Variants in CPED1 observed in about 807,000 individuals in gnomAD.
The protein encoded by CPED1 is cadherin-like and PC-esterase domain-containing protein 1.
Under a neutral mutation model 128.2 loss-of-function variants are expected in CPED1, and 114 were observed. That is an observed-to-expected ratio of 0.89 (90% confidence interval 0.76 to 1.04). The LOEUF (loss-of-function observed/expected upper bound fraction) is 1.04, where lower values mean the gene tolerates loss of function less well. CPED1 is among the 50% of genes least tolerant of loss of function. The probability of loss-of-function intolerance (pLI) is 0.00; values close to 1 mark genes in which losing one functional copy is unlikely to be tolerated. For missense variants in CPED1, 1,211 were observed against 1,207.1 expected, an observed-to-expected ratio of 1.00 and a Z score of -0.05; for synonymous variants, 462 against 426.7, an observed-to-expected ratio of 1.08 and a Z score of -1.02.
intron 16 of CPED1, among the ~76,000 whole-genome samples, chr7:121,189,690 G>C (rs1234385270): frequency 2.1e-5 from 3 of 146,102 alleles, no homozygotes; most frequent in African/African-American, 7.6e-5. Context: ...GATTTTTAAA[G>C]TCACCACAAT....
At chr7:121,170,912 TG>T (rs1387365058) in intron 16 of CPED1, among the ~76,000 whole-genome samples, 1 of 151,780 alleles carries the variant, frequency 6.6e-6, no homozygotes, top group Non-Finnish European at 1.5e-5. Flanking sequence ...TTAGCGGGTG[TG>T]GTGGCCCATG....
rs563511843 is a variant in CPED1 at position 121,259,874 on chromosome 7, T to C, written c.2311-6353T>C. Among the ~76,000 whole-genome samples, 3 of 152,174 alleles carry C rather than the reference T, an allele frequency of 2.0e-5. No homozygotes were observed. In the South Asian group the frequency reaches 6.2e-4, roughly 32 times the overall value. On this transcript the variant is annotated intron_variant, in intron 18 of 22. Transcript: ENST00000310396. ...TAAACTCAGCTGTTAAAACAGGGAA[T>C]GTAACTTAAATTTTTAAGTAATGTT...
At chr7:121,075,092 G>C (rs896417421) in intron 5 of CPED1, among the ~76,000 whole-genome samples, 1 of 152,130 alleles carries the variant, frequency 6.6e-6, no homozygotes, top group African/African-American at 2.4e-5. Flanking sequence ...AGCATTTTCA[G>C]CATTACTAGA....
chr7:121,008,808 T>G (rs1792090808), intron 2 of CPED1, among the ~76,000 whole-genome samples: 1 of 151,944 alleles, frequency 6.6e-6, no homozygotes, highest in Non-Finnish European at 1.5e-5. Flanking sequence ...TGCTTCACTG[T>G]TGCATTCCCA....
In CPED1 at chr7:121,241,187, C is replaced by CA. The variant is rs796897525; in HGVS notation, c.2174-3004dup. On this transcript the variant is annotated intron_variant, in intron 17 of 22. Coordinates refer to ENST00000310396, the MANE Select transcript of CPED1 (RefSeq NM_024913.5). Reference sequence around the variant, plus strand: ...TGAAACCCCGTCTCTACTAAAAATACAAAAAAAAAAATTAGCCGGGCGTAG... The same window carrying CA: ...TGAAACCCCGTCTCTACTAAAAATACAAAAAAAAAAAATTAGCCGGGCGTAG... Among the ~76,000 whole-genome samples the CA allele has an allele frequency of 3.6e-3, 326 of 90,642 alleles. 45 individuals are homozygous for CA. The highest frequency in any genetic ancestry group is 7.8e-3 in the African/African-American group (176 of 22,686). 59.5% of individuals were successfully genotyped at this position (90,642 alleles called of 152,430 possible).
Position 121,211,771 on chromosome 7 carries a change from A to G in CPED1, c.2056-24943A>G, listed in dbSNP as rs138656616. Among the ~76,000 whole-genome samples, 453 of 152,132 alleles carry G rather than the reference A, an allele frequency of 3.0e-3. 1 individual carries two copies. The highest frequency in any genetic ancestry group is 0.011 in the African/African-American group (440 of 41,526). The stretch of plus-strand genomic sequence containing the variant: ...GTGGAGACTTAGAAATATGTGATCT[A>G]TAAGAACAGACTTGCCAGACTTGGC... On this transcript the variant is annotated intron_variant, in intron 16 of 22. Transcript: ENST00000310396.
Position 121,295,869 on chromosome 7 carries a change from T to C in CPED1, c.*217T>C. The C allele has an allele frequency of 2.2e-6, 1 of 456,436 alleles. No homozygotes were observed. Among genetic ancestry groups the C allele is most frequent in the Admixed American group, 3.9e-5 (1 of 25,762 alleles). 28.3% of individuals were successfully genotyped at this position (456,436 alleles called of 1,614,324 possible). A position where few individuals can be genotyped will look rare whatever the true frequency, so the allele number is the denominator to read the frequency against. On this transcript the variant is annotated 3_prime_UTR_variant, in exon 23 of 23. Transcript: ENST00000310396. ...AGATGTGACCTTGAACACCAGTCCATTTCACAGTGAAAGATATACCTAGAG... is the reference window on the plus strand; with the variant it reads ...AGATGTGACCTTGAACACCAGTCCACTTCACAGTGAAAGATATACCTAGAG...
intron 2 of CPED1, among the ~76,000 whole-genome samples, chr7:121,015,208 C>T (rs1409756064): frequency 6.6e-6 from 1 of 152,176 alleles, no homozygotes; most frequent in African/African-American, 2.4e-5. Flanking sequence ...TGGATTGCTT[C>T]TCACCTCGAC....
At chr7:121,028,845 G>C (rs1027645315) in intron 3 of CPED1, among the ~76,000 whole-genome samples, 6 of 152,180 alleles carry the variant, frequency 3.9e-5, no homozygotes, top group African/African-American at 1.4e-4. Context: ...TAATGAATGA[G>C]AGGGATTACC....
intron 18 of CPED1, among the ~76,000 whole-genome samples, chr7:121,251,355 T>C (rs1473036907): frequency 6.6e-6 from 1 of 152,118 alleles, no homozygotes; most frequent in African/African-American, 2.4e-5. Context: ...CCACAGCCAA[T>C]ATCATACTGA....
chr7:121,192,649 AG>A (rs5887020), intron 16 of CPED1, among the ~76,000 whole-genome samples: 149,180 of 152,228 alleles, frequency 0.98, 73,163 homozygotes, highest in Middle Eastern at 1. Context: ...TCAGGCTTTG[AG>A]GGGTAAAGCA....
At chr7:121,149,876 G>A (rs180789295) in intron 16 of CPED1, among the ~76,000 whole-genome samples, 2 of 152,254 alleles carry the variant, frequency 1.3e-5, no homozygotes, top group Admixed American at 1.3e-4. Flanking sequence ...ATTAATGCCA[G>A]TCCCTGATGC....
intron 4 of CPED1, among the ~76,000 whole-genome samples, chr7:121,060,359 G>C (rs970006048): frequency 2.0e-5 from 3 of 152,264 alleles, no homozygotes; most frequent in Non-Finnish European, 2.9e-5. Context: ...TCCACCTGCA[G>C]CCCCCGGTGC....
At chr7:121,162,134 G>A (rs1796424348) in intron 16 of CPED1, among the ~76,000 whole-genome samples, 1 of 152,162 alleles carries the variant, frequency 6.6e-6, no homozygotes, top group South Asian at 2.1e-4. Flanking sequence ...TTTCAGACAT[G>A]GCTAATATAA....
At chr7:121,102,136 C>CT (rs1794865156) in intron 7 of CPED1, among the ~76,000 whole-genome samples, 1 of 151,952 alleles carries the variant, frequency 6.6e-6, no homozygotes, top group Admixed American at 6.6e-5. Context: ...CCTCTTTGTT[C>CT]TTTTTAATGA....
At position 121,072,185 on chromosome 7, in the gene CPED1, CAAA is replaced by C. The variant is rs11318194; in HGVS notation, c.616+7885_616+7887del. 5.0e-5 allele frequency among the ~76,000 whole-genome samples: 7 copies of C among 139,344 alleles called. 1 individual carries two copies. Among genetic ancestry groups the C allele is most frequent in the African/African-American group, 1.6e-4 (6 of 38,086 alleles). 91.4% of individuals were successfully genotyped at this position (139,344 alleles called of 152,430 possible). On this transcript the variant is annotated intron_variant, in intron 5 of 22. Coordinates refer to ENST00000310396, the MANE Select transcript of CPED1 (RefSeq NM_024913.5). ...ACATTCTGATTTCTCTTTTCCTATA[CAAA>C]AAAAAAAAAAAACATGGGAGTAAAT...
chr7:121,114,122 G>A (rs540838285), intron 7 of CPED1, among the ~76,000 whole-genome samples: 6 of 152,176 alleles, frequency 3.9e-5, no homozygotes, highest in Admixed American at 2.0e-4. Context: ...GAGCCACCAC[G>A]CCCGGCCTTA....
intron 16 of CPED1, among the ~76,000 whole-genome samples, chr7:121,203,849 A>G (rs1797459171): frequency 6.6e-6 from 1 of 152,144 alleles, no homozygotes; most frequent in South Asian, 2.1e-4. Context: ...ATAAAGAAAG[A>G]AAAAGGATGG....
At position 121,102,852 on chromosome 7, in the gene CPED1, G is replaced by A. The variant is rs539884212; in HGVS notation, c.918+2758G>A. Among the ~76,000 whole-genome samples the A allele has an allele frequency of 5.3e-5, 8 of 152,184 alleles. 1 individual carries two copies. In the South Asian group the frequency reaches 1.7e-3, roughly 32 times the overall value. ...ACCGTGGCTACCACTGGTCAGACCA[G>A]TTCACAATAGCTCTAGACTCCCTTT... On this transcript the variant is annotated intron_variant, in intron 7 of 22. Transcript: ENST00000310396.
Sources: allele counts gnomAD v4.1 joint callset (sites outside exome capture counted in the v4.1 genomes callset), GRCh38; gene constraint gnomAD v4.1.1; transcripts MANE v1.5; gene names NCBI Gene and HGNC (gene_info 2026-07-23, HGNC 2026-07-21).